The following EPS8L2 variants were observed in gnomAD, a reference collection of about 807,000 sequenced individuals.
EPS8L2 encodes the protein EPS8 signaling adaptor L2.
A neutral mutation model predicts 99.4 loss-of-function variants in EPS8L2; 81 were observed. The ratio of observed to expected loss-of-function variants is 0.82; its 90% CI spans 0.68 to 0.98. EPS8L2 has a LOEUF of 0.98. EPS8L2 is among the 50% of genes least tolerant of loss of function. The pLI is 0.00. For synonymous variants in EPS8L2, 509 were observed against 407.3 expected (o/e 1.25, Z -3.01); for missense variants, 1,155 against 968.8 (o/e 1.19, Z -2.55).
intron 4 of EPS8L2, among the ~76,000 whole-genome samples, chr11:713,405 G>A (rs1170269071): frequency 5.3e-5 from 8 of 152,188 alleles, no homozygotes; most frequent in Admixed American, 6.5e-5. Flanking sequence ...TGTTTGAGAC[G>A]GAGTCTCGCT....
intron 1 of EPS8L2, among the ~76,000 whole-genome samples, chr11:707,086 G>A (rs1218456812): frequency 1.3e-5 from 2 of 152,040 alleles, no homozygotes; most frequent in Non-Finnish European, 2.9e-5. Flanking sequence ...GCTGTGCTGG[G>A]AGGCAGGCCC....
In EPS8L2 at chr11:724,865, A is replaced by G. The variant is rs758603834; in HGVS notation, c.1560+36A>G. 6.7e-7 allele frequency: 1 copy of G among 1,502,664 alleles called. No individual in the cohort carries two copies. The highest frequency in any genetic ancestry group is 1.1e-5 in the South Asian group (1 of 88,596). 93.1% of individuals were successfully genotyped at this position (1,502,664 alleles called of 1,614,324 possible). ...GGAGGACGGGGTCCAAGAGGGGGAA[A>G]CAGGGCAGGGCTTCAAGGGAGGGGC... On this transcript the variant is annotated intron_variant, in intron 16 of 20. Coordinates refer to ENST00000318562, the MANE Select transcript of EPS8L2 (RefSeq NM_022772.4). This position sits in a 1 kb window ranked among gnomAD's most constrained non-coding sequence, Gnocchi z 5.5.
Position 725,783 on chromosome 11 carries a change from G to C in EPS8L2, c.1616G>C (p.Gly539Ala), listed in dbSNP as rs1208215548. Residue 539 changes from glycine (G) to alanine (A), a missense_variant, in exon 17 of 21, where the codon GGG (glycine) becomes GCG (alanine). By Grantham distance (60) the Gly-to-Ala change is moderately conservative (BLOSUM62 0). Coordinates refer to ENST00000318562, the MANE Select transcript of EPS8L2 (RefSeq NM_022772.4). ...CTGCGCAGCCGCAGCGGCCAGGCGGGGTACGTGCCCTGCAACATCCTAGGC... is the reference window on the plus strand; with the variant it reads ...CTGCGCAGCCGCAGCGGCCAGGCGGCGTACGTGCCCTGCAACATCCTAGGC... ...WKLRSRSGQA[G>A]YVPCNILGEA... The C allele has an allele frequency of 3.7e-6, 5 of 1,368,282 alleles. No homozygotes were observed. The African/African-American group carries it at 6.0e-5, about 16-fold the overall frequency. 84.8% of individuals were successfully genotyped at this position (1,368,282 alleles called of 1,614,324 possible).
At chr11:719,803 G>C (rs1026013248) in intron 4 of EPS8L2, among the ~76,000 whole-genome samples, 3 of 152,208 alleles carry the variant, frequency 2.0e-5, no homozygotes, top group African/African-American at 7.2e-5. Context: ...CAGGAGGTGG[G>C]CGGGTGAGGA....
At chr11:707,071 G>A (rs1861744087) in intron 1 of EPS8L2, among the ~76,000 whole-genome samples, 1 of 152,038 alleles carries the variant, frequency 6.6e-6, no homozygotes, top group Non-Finnish European at 1.5e-5. Flanking sequence ...CTCAGTCCTG[G>A]GTCGGCTGTG....
rs1193769875 is a variant in EPS8L2 at position 726,367 on chromosome 11, C to G, written c.1817C>G (p.Ala606Gly). Residue 606 changes from alanine (A) to glycine (G), a missense_variant, in exon 19 of 21, where the codon GCG (alanine) becomes GGG (glycine). Coordinates refer to ENST00000318562, the MANE Select transcript of EPS8L2 (RefSeq NM_022772.4). Reference protein sequence around the residue: ...ELIRKISNIRAQPQRHFRVER... With the variant: ...ELIRKISNIRGQPQRHFRVER... Reference sequence around the variant, plus strand: ...ATCCGGAAAATCAGCAACATCAGGGCGCAGCCACAGAGGCACTTCCGCGTG... The same window carrying G: ...ATCCGGAAAATCAGCAACATCAGGGGGCAGCCACAGAGGCACTTCCGCGTG... 1 of 1,610,926 alleles carries G rather than the reference C, an allele frequency of 6.2e-7. No individual in the cohort carries two copies. Among genetic ancestry groups the G allele is most frequent in the Admixed American group, 1.7e-5 (1 of 59,872 alleles).
rs777308094 is a variant in EPS8L2 at position 721,611 on chromosome 11, G to A, written c.815G>A (p.Arg272Gln). ...GACGACATCGAGTGGTTTGTGGCCC[G>A]GCTGCAGAAGGCAGCCGAGGCTTTC... is the stretch of plus-strand genomic sequence containing the variant. ...ALDDIEWFVA[R>Q]LQKAAEAFKQ... The change falls in exon 10 of 21, where the codon CGG becomes CAG. Residue 272 changes from arginine to glutamine, a missense_variant. Transcript: ENST00000318562. The A allele has an allele frequency of 2.7e-5, 42 of 1,573,028 alleles. No homozygotes were observed. The highest frequency in any genetic ancestry group is 6.7e-5 in the East Asian group (3 of 44,536).
At chr11:715,975 T>A (rs1862016344) in intron 4 of EPS8L2, among the ~76,000 whole-genome samples, 2 of 146,226 alleles carry the variant, frequency 1.4e-5, no homozygotes, top group African/African-American at 5.0e-5. Context: ...TATCTTTTTT[T>A]TTTTTTTTTT....
In EPS8L2 at chr11:724,780, C is replaced by G; in HGVS notation, c.1511C>G (p.Thr504Arg). The change falls in exon 16 of 21, where the codon ACA becomes AGA. Residue 504 changes from threonine (T) to arginine (R), a missense_variant. Physicochemically the swap from Thr to Arg is moderately conservative, Grantham distance 71. Transcript: ENST00000318562. This position sits in a 1 kb window ranked among gnomAD's most constrained non-coding sequence, Gnocchi z 5.5. The stretch of plus-strand genomic sequence containing the variant: ...TACGTCAAGATCCTGTATGACTTCA[C>G]AGCCCGAAATGCCAACGAGCTATCG... Reference protein sequence around the residue: ...AKYVKILYDFTARNANELSVL... With the variant: ...AKYVKILYDFRARNANELSVL... The G allele has an allele frequency of 6.2e-7, 1 of 1,613,672 alleles. No homozygotes were observed. Among genetic ancestry groups the G allele is most frequent in the South Asian group, 1.1e-5 (1 of 91,080 alleles).
At chr11:717,576 A>C (rs796746910) in intron 4 of EPS8L2, among the ~76,000 whole-genome samples, 3 of 152,314 alleles carry the variant, frequency 2.0e-5, no homozygotes, top group African/African-American at 7.2e-5. Context: ...GCAATAGAAT[A>C]GGTAAAAAAA....
intron 4 of EPS8L2, among the ~76,000 whole-genome samples, chr11:714,235 T>TC (rs1235642433): frequency 1.6e-5 from 2 of 124,328 alleles, no homozygotes; most frequent in African/African-American, 3.0e-5. Context: ...TTTTCTTTTT[T>TC]CTTTTTTTTT....
rs778075594 is a variant in EPS8L2, at chr11:725,790, G to T, written c.1623G>T (p.Val541=). ...LRSRSGQAGY[V]PCNILGEARP... is the part of the protein sequence containing the mutation. The stretch of plus-strand genomic sequence containing the variant: ...GCCGCAGCGGCCAGGCGGGGTACGT[G>T]CCCTGCAACATCCTAGGCGAGGCGC... The change falls in exon 17 of 21, where the codon GTG becomes GTT. Residue 541 remains valine, a synonymous_variant. Coordinates refer to ENST00000318562, the MANE Select transcript of EPS8L2 (RefSeq NM_022772.4). 1 of 1,376,168 alleles carries T rather than the reference G, an allele frequency of 7.3e-7. No homozygotes were observed. 85.2% of individuals were successfully genotyped at this position (1,376,168 alleles called of 1,614,324 possible).
Position 710,493 on chromosome 11 carries a change from C to A in EPS8L2, c.165+7C>A. The A allele has an allele frequency of 5.0e-6, 8 of 1,613,158 alleles. No individual in the cohort carries two copies. Among genetic ancestry groups the A allele is most frequent in the Non-Finnish European group, 6.8e-6 (8 of 1,179,440 alleles). The stretch of plus-strand genomic sequence containing the variant: ...CTCGCAGTACCACGTCCAGGTAAGG[C>A]CCCGCCCCCAGGTAGGCTCCGCCCC... On this transcript the variant is annotated splice_region_variant and intron_variant, in intron 4 of 20. Coordinates refer to ENST00000318562, the MANE Select transcript of EPS8L2 (RefSeq NM_022772.4).
intron 3 of EPS8L2, chr11:709,959 G>A: frequency 2.3e-6 from 1 of 439,988 alleles, no homozygotes; most frequent in East Asian, 4.4e-5. Flanking sequence ...CCCCCACTCT[G>A]CCCTTCCCCA....
At chr11:720,373 G>A (rs1316833381) in intron 5 of EPS8L2, 150 bp downstream of exon 5, 5 of 1,103,462 alleles carry the variant, frequency 4.5e-6, no homozygotes, top group Non-Finnish European at 2.6e-6. Context: ...ACAAGGGTGG[G>A]CAGAGGGCCG....
Position 725,796 on chromosome 11 carries a change from C to T in EPS8L2, c.1629C>T (p.Cys543=), listed in dbSNP as rs757313139. 7.2e-7 allele frequency: 1 copy of T among 1,380,018 alleles called. No individual in the cohort carries two copies. The highest frequency in any genetic ancestry group is 2.8e-5 in the East Asian group (1 of 35,676). The allele number at this position is 1,380,018 out of a possible 1,614,324, so 85.5% of individuals were successfully genotyped here. The change falls in exon 17 of 21, where the codon TGC becomes TGT. Residue 543 remains cysteine (C), a synonymous_variant. Coordinates refer to ENST00000318562, the MANE Select transcript of EPS8L2 (RefSeq NM_022772.4). The stretch of plus-strand genomic sequence containing the variant: ...GCGGCCAGGCGGGGTACGTGCCCTG[C>T]AACATCCTAGGCGAGGCGCGACCGG... The part of the protein sequence containing the change: ...SRSGQAGYVP[C]NILGEARPED...
In EPS8L2 at chr11:721,123, C is replaced by A; in HGVS notation, c.617C>A (p.Ala206Glu). Residue 206 changes from alanine to glutamate, a missense_variant, in exon 8 of 21, where the codon GCG becomes GAG. Coordinates refer to ENST00000318562, the MANE Select transcript of EPS8L2 (RefSeq NM_022772.4). ...QSILPPPQGP[A>E]PIPFQHRGGD... ...ATCCTGCCTCCTCCCCAGGGCCCGG[C>A]GCCCATCCCCTTCCAGCACCGCGGC... 1 of 1,534,628 alleles carries A rather than the reference C, an allele frequency of 6.5e-7. No homozygotes were observed. The highest frequency in any genetic ancestry group is 8.8e-7 in the Non-Finnish European group (1 of 1,142,836).
At chr11:726,542 AGGTGCGCAGCTGTCGGGGCGGGCGCC>A in intron 19 of EPS8L2, 51 bp from the exon 20 acceptor site, 1 of 1,403,670 alleles carries the variant, frequency 7.1e-7, no homozygotes, top group Non-Finnish European at 9.6e-7. Context: ...GTGCGGCCGA[AGGTGCGCAGCTGTCGGGGCGGGCGCC>A]AGGCAGCCTC....
intron 16 of EPS8L2, 54 bp from the exon 17 acceptor site, chr11:725,674 G>A: frequency 6.2e-6 from 8 of 1,286,624 alleles, no homozygotes; most frequent in Non-Finnish European, 7.9e-6. Context: ...CCAGCGGGTG[G>A]TCCCAGCCCC....
Sources: allele counts gnomAD v4.1 joint callset (sites outside exome capture counted in the v4.1 genomes callset), GRCh38; gene constraint gnomAD v4.1.1; non-coding constraint Gnocchi (gnomAD v3.1); transcripts MANE v1.5; gene names NCBI Gene and HGNC (gene_info 2026-07-23, HGNC 2026-07-21).